The following EXT1 variants were observed in gnomAD, a reference collection of about 807,000 sequenced individuals.
EXT1 encodes the protein exostosin glycosyltransferase 1.
In EXT1, 20 loss-of-function variants were observed where a neutral mutation model predicts 82.5. The ratio of observed to expected loss-of-function variants is 0.24; its 90% confidence interval spans 0.17 to 0.35. The LOEUF is 0.35. EXT1 is among the 10% of genes least tolerant of loss of function. The pLI is 1.00. For missense variants in EXT1, 757 were observed against 936.5 expected (o/e 0.81, Z 2.50); for synonymous variants, 348 against 350.8 (o/e 0.99, Z 0.09).
At chr8:117,840,911 G>A (rs182845948) in intron 1 of EXT1, among the ~76,000 whole-genome samples, 157 of 152,304 alleles carry the variant, frequency 1.0e-3, no homozygotes, top group Non-Finnish European at 4.9e-4. Context: ...AATGACAGAT[G>A]AGAGCAAGTG....
At chr8:117,919,668 C>T (rs995513364) in intron 1 of EXT1, among the ~76,000 whole-genome samples, 3 of 151,990 alleles carry the variant, frequency 2.0e-5, no homozygotes, top group African/African-American at 7.3e-5. Flanking sequence ...CTATATTTGG[C>T]TAATTTTTAA....
intron 8 of EXT1, among the ~76,000 whole-genome samples, chr8:117,812,605 G>C (rs1823344752): frequency 6.6e-6 from 1 of 152,122 alleles, no homozygotes; most frequent in Non-Finnish European, 1.5e-5. Flanking sequence ...CAAAAAAGGA[G>C]GGCAGGCCTG....
rs144936607 is a variant in EXT1, at chr8:117,828,345, T to G, written c.1284+1885A>C. 6.0e-3 allele frequency among the ~76,000 whole-genome samples: 906 copies of G among 151,518 alleles called. 12 individuals carry two copies. The highest frequency in any genetic ancestry group is 0.02 in the African/African-American group (844 of 41,302). On this transcript the variant is annotated intron_variant, in intron 4 of 10. Coordinates refer to ENST00000378204, the MANE Select transcript of EXT1 (RefSeq NM_000127.3). The stretch of plus-strand genomic sequence containing the variant: ...GCAGGAGGACTGCCTGAGCCAGGAG[T>G]TCAAGACCACTCTGGGCAACATAAC...
intron 1 of EXT1, among the ~76,000 whole-genome samples, chr8:118,043,949 A>G (rs17505520): frequency 1.2e-4 from 18 of 152,300 alleles, no homozygotes; most frequent in African/African-American, 4.3e-4. Context: ...CCATGATCTC[A>G]TCAACTCTTT....
At chr8:118,060,831 C>G (rs1336884006) in intron 1 of EXT1, among the ~76,000 whole-genome samples, 1 of 152,226 alleles carries the variant, frequency 6.6e-6, no homozygotes, top group African/African-American at 2.4e-5. Flanking sequence ...GCATTTGGAG[C>G]ACAAGTATTA....
At chr8:117,852,735 T>G (rs184882803) in intron 1 of EXT1, among the ~76,000 whole-genome samples, 127 of 152,256 alleles carry the variant, frequency 8.3e-4, no homozygotes, top group African/African-American at 2.8e-3. Flanking sequence ...TTCCATTCAT[T>G]CATCCATCCA....
chr8:117,882,935 C>T (rs1813085533), intron 1 of EXT1, among the ~76,000 whole-genome samples: 1 of 150,260 alleles, frequency 6.7e-6, no homozygotes, highest in African/African-American at 2.5e-5. Context: ...CAAGATCATG[C>T]CACTGCACTC....
chr8:117,981,260 A>G (rs1428691607), intron 1 of EXT1, among the ~76,000 whole-genome samples: 1 of 152,202 alleles, frequency 6.6e-6, no homozygotes, highest in Non-Finnish European at 1.5e-5. Context: ...AACTCTACTA[A>G]TTCAGAAAGT....
At chr8:117,893,581 T>G (rs962868150) in intron 1 of EXT1, among the ~76,000 whole-genome samples, 2 of 152,092 alleles carry the variant, frequency 1.3e-5, no homozygotes, top group African/African-American at 4.8e-5. Flanking sequence ...ATTCAAGATA[T>G]TTGCACTCAA....
intron 4 of EXT1, among the ~76,000 whole-genome samples, chr8:117,823,519 GA>G (rs1208766266): frequency 2.0e-5 from 3 of 147,392 alleles, no homozygotes; most frequent in African/African-American, 2.5e-5. Context: ...AAAAAAAAAA[GA>G]AAAAAATCCT....
intron 1 of EXT1, among the ~76,000 whole-genome samples, chr8:117,852,574 A>G (rs956344446): frequency 3.3e-5 from 5 of 152,144 alleles, no homozygotes; most frequent in Non-Finnish European, 7.3e-5. Flanking sequence ...TAGTTTCCCA[A>G]TCCATCATGA....
At chr8:117,824,784 C>A (rs982493433) in intron 4 of EXT1, among the ~76,000 whole-genome samples, 1 of 152,120 alleles carries the variant, frequency 6.6e-6, no homozygotes, top group Non-Finnish European at 1.5e-5. Context: ...TTTTTCCATG[C>A]AAAGCAATGA....
chr8:117,810,361 C>A (rs1471515781), intron 8 of EXT1, among the ~76,000 whole-genome samples: 1 of 152,102 alleles, frequency 6.6e-6, no homozygotes, highest in East Asian at 1.9e-4. Flanking sequence ...GCAACACAAC[C>A]ACTCCACTGA....
At chr8:117,874,962 A>G (rs1483283406) in intron 1 of EXT1, among the ~76,000 whole-genome samples, 1 of 152,202 alleles carries the variant, frequency 6.6e-6, no homozygotes, top group African/African-American at 2.4e-5. Flanking sequence ...GTGCAAAAAT[A>G]AAAGATTTTA....
At chr8:118,002,528 C>CTTTTTTTTTTTTT (rs60354141) in intron 1 of EXT1, among the ~76,000 whole-genome samples, 1 of 87,096 alleles carries the variant, frequency 1.1e-5, no homozygotes, top group Non-Finnish European at 2.1e-5. Context: ...GAATATTTTT[C>CTTTTTTTTTTTTT]TTTTTTTTTT....
chr8:117,804,631 G>T, intron 10 of EXT1, 91 bp downstream of exon 10: 1 of 1,405,214 alleles, frequency 7.1e-7, no homozygotes. Context: ...ATATGCTCCT[G>T]GGTGGAACAG....
At chr8:118,089,513 T>C (rs1481752709) in intron 1 of EXT1, among the ~76,000 whole-genome samples, 1 of 152,228 alleles carries the variant, frequency 6.6e-6, no homozygotes, top group African/African-American at 2.4e-5. Flanking sequence ...ATAAACAGCA[T>C]GTGCTTAGAA....
At chr8:117,915,936 G>A (rs1329012936) in intron 1 of EXT1, among the ~76,000 whole-genome samples, 2 of 152,096 alleles carry the variant, frequency 1.3e-5, no homozygotes, top group South Asian at 2.1e-4. Flanking sequence ...ATTCTGTTTT[G>A]GCTGAATGTA....
At chr8:118,031,794 T>C (rs1296839413) in intron 1 of EXT1, among the ~76,000 whole-genome samples, 2 of 152,090 alleles carry the variant, frequency 1.3e-5, no homozygotes, top group African/African-American at 2.4e-5. Flanking sequence ...AATTTCAACC[T>C]GACCTTTAAC....
Sources: gnomAD v4.1 joint callset for allele counts (sites outside exome capture counted in the v4.1 genomes callset) on GRCh38, gnomAD v4.1.1 for gene constraint, MANE v1.5 for transcripts, NCBI Gene and HGNC (gene_info 2026-07-23, HGNC 2026-07-21) for gene names.